The following LCN1 variants were observed in gnomAD, a reference collection of about 807,000 sequenced individuals.
LCN1 encodes lipocalin 1.
LCN1 carries 25 observed loss-of-function variants against 22.3 expected under a neutral mutation model. The ratio of observed to expected loss-of-function variants is 1.12; its 90% CI spans 0.82 to 1.56. The LOEUF (loss-of-function observed/expected upper bound fraction) is 1.56, where lower values mean the gene tolerates loss of function less well. Ranked by LOEUF, LCN1 falls within the 40% of genes most tolerant of loss-of-function variation. LCN1 has a pLI of 0.00. For synonymous variants in LCN1, 85 were observed against 97.6 expected (o/e 0.87, Z 0.76); for missense variants, 219 against 235.6 (o/e 0.93, Z 0.46).
Position 135,526,385 on chromosome 9 carries a change from C to G in LCN1, c.*43C>G, listed in dbSNP as rs544867188. On this transcript the variant is annotated 3_prime_UTR_variant, in exon 7 of 7. Transcript: ENST00000371781. ...GCTCCTCAGCAGCCCAAGGACGGCA[C>G]CATCCAGCACCTCCGTCATTCACAG... 7.4e-5 allele frequency: 95 copies of G among 1,282,666 alleles called. No homozygotes were observed. The highest frequency in any genetic ancestry group is 9.1e-5 in the Non-Finnish European group (90 of 986,266). The allele number at this position is 1,282,666 out of a possible 1,614,324, so 79.5% of individuals were successfully genotyped here.
chr9:135,522,128 A>G lies in LCN1; in HGVS notation c.172A>G (p.Thr58Ala), dbSNP rs1280466957. 2 of 1,598,158 alleles carry G rather than the reference A, an allele frequency of 1.3e-6. No homozygotes were observed. The highest frequency in any genetic ancestry group is 4.6e-5 in the East Asian group (2 of 43,908). The change falls in exon 2 of 7, where the codon ACC becomes GCC. Residue 58 changes from threonine to alanine, a missense_variant. Transcript: ENST00000371781. ...EMNLESVTPM[T>A]LTTLEGGNLE... is the part of the protein sequence containing the mutation. ...GAATCTGGAATCGGTGACACCCATG[A>G]CCCTCACGACCCTGGAAGGGGGCAA...
intron 3 of LCN1, 120 bp downstream of exon 3, chr9:135,523,422 C>A: frequency 1.3e-6 from 1 of 799,546 alleles, no homozygotes; most frequent in Non-Finnish European, 2.0e-6. Context: ...CTTCTGACTC[C>A]ACTAAAAGCC....
intron 2 of LCN1, 86 bp from the exon 3 acceptor site, chr9:135,523,146 A>C (rs2118949009): frequency 7.8e-7 from 1 of 1,279,884 alleles, no homozygotes; most frequent in Non-Finnish European, 1.1e-6. Flanking sequence ...TCGGGGCCAC[A>C]TTTGCAGGGC....
chr9:135,526,429 C>A lies in LCN1; in HGVS notation c.*87C>A. 1.6e-6 allele frequency: 2 copies of A among 1,286,728 alleles called. No homozygotes were observed. Among genetic ancestry groups the A allele is most frequent in the Non-Finnish European group, 2.0e-6 (2 of 987,568 alleles). The allele number at this position is 1,286,728 out of a possible 1,614,324, so 79.7% of individuals were successfully genotyped here. ...TTCACAGGGACATGGAAAAAGCTCC[C>A]CACCCCTGCAGAACGCGGCTGGCTG... On this transcript the variant is annotated 3_prime_UTR_variant, in exon 7 of 7. Coordinates refer to ENST00000371781, the MANE Select transcript of LCN1 (RefSeq NM_002297.4).
chr9:135,525,316 C>T (rs1227292484), intron 6 of LCN1, among the ~76,000 whole-genome samples, 158 bp downstream of exon 6: 2 of 152,128 alleles, frequency 1.3e-5, no homozygotes, highest in Admixed American at 1.3e-4. Flanking sequence ...CCTGAGCTGC[C>T]CACGCTCGGG....
intron 2 of LCN1, 67 bp downstream of exon 2, chr9:135,522,244 G>A (rs1276755278): frequency 1.9e-6 from 3 of 1,541,238 alleles, no homozygotes; most frequent in African/African-American, 1.4e-5. Context: ...CCCCACCCAG[G>A]AGAGCTCTGG....
At chr9:135,526,185 A>G (rs1831645292) in intron 6 of LCN1, among the ~76,000 whole-genome samples, 159 bp from the exon 7 acceptor site, 1 of 81,024 alleles carries the variant, frequency 1.2e-5, no homozygotes, top group South Asian at 6.1e-4. Flanking sequence ...CCTCCACATC[A>G]CAGCCCCCAA....
chr9:135,523,847 C>A, intron 3 of LCN1, 33 bp from the exon 4 acceptor site: 1 of 1,579,892 alleles, frequency 6.3e-7, no homozygotes, highest in Non-Finnish European at 8.7e-7. Flanking sequence ...TCCCTGGTGG[C>A]TAATTCAGGA....
intron 2 of LCN1, 67 bp from the exon 3 acceptor site, chr9:135,523,165 A>T: frequency 2.1e-6 from 3 of 1,454,814 alleles, no homozygotes; most frequent in Non-Finnish European, 2.8e-6. Flanking sequence ...GCATTGCAGC[A>T]TGGTTGCTCC....
At chr9:135,522,539 G>A (rs1831525906) in intron 2 of LCN1, among the ~76,000 whole-genome samples, 1 of 152,248 alleles carries the variant, frequency 6.6e-6, no homozygotes, top group Admixed American at 6.5e-5. Context: ...AGAAGTGCAG[G>A]GATGGGGCTT....
chr9:135,526,309 T>G, intron 6 of LCN1, 35 bp from the exon 7 acceptor site: 1 of 864,080 alleles, frequency 1.2e-6, no homozygotes, highest in Non-Finnish European at 1.4e-6. Flanking sequence ...CCACCCTTGC[T>G]GTCCTGGCCT....
At chr9:135,523,687 T>A (rs1018433213) in intron 3 of LCN1, among the ~76,000 whole-genome samples, 193 bp from the exon 4 acceptor site, 7 of 152,124 alleles carry the variant, frequency 4.6e-5, no homozygotes, top group African/African-American at 1.7e-4. Context: ...CTTGGGTACA[T>A]CAGGTTCCTG....
intron 6 of LCN1, among the ~76,000 whole-genome samples, chr9:135,526,022 G>A (rs1312935557): frequency 1.4e-4 from 3 of 21,578 alleles, no homozygotes; most frequent in African/African-American, 2.4e-4. Context: ...CATAGCCCCC[G>A]AGAGCCCACA....
chr9:135,525,207 T>TTCC, intron 6 of LCN1, 49 bp downstream of exon 6: 1 of 1,584,040 alleles, frequency 6.3e-7, no homozygotes. Flanking sequence ...GTTCTGGGGC[T>TTCC]CAGTGGTGCT....
At chr9:135,524,563 C>T (rs989982776) in intron 4 of LCN1, among the ~76,000 whole-genome samples, 1 of 152,178 alleles carries the variant, frequency 6.6e-6, no homozygotes, top group African/African-American at 2.4e-5. Context: ...CAGGGTGGGC[C>T]TGTCGTGCCG....
chr9:135,525,887 G>C (rs1831630935), intron 6 of LCN1, among the ~76,000 whole-genome samples: 2 of 122,380 alleles, frequency 1.6e-5, no homozygotes, highest in Non-Finnish European at 3.2e-5. Flanking sequence ...TAGCCCCCTA[G>C]AGCCCGGTGC....
At chr9:135,523,401 C>G (rs562691300) in intron 3 of LCN1, 99 bp downstream of exon 3, 32 of 1,022,600 alleles carry the variant, frequency 3.1e-5, no homozygotes, top group Middle Eastern at 2.7e-4. Flanking sequence ...GCCTGGGAAG[C>G]CTTTTGCTGC....
At chr9:135,522,249 C>T (rs945171461) in intron 2 of LCN1, 72 bp downstream of exon 2, 1 of 1,530,616 alleles carries the variant, frequency 6.5e-7, no homozygotes. Flanking sequence ...CCCAGGAGAG[C>T]TCTGGTGCTG....
At chr9:135,525,179 G>A in intron 6 of LCN1, 21 bp downstream of exon 6, 1 of 1,611,434 alleles carries the variant, frequency 6.2e-7, no homozygotes, top group Non-Finnish European at 8.5e-7. Flanking sequence ...AGCTTTAGAG[G>A]ACATTTGAGA....
Sources: allele counts gnomAD v4.1 joint callset (sites outside exome capture counted in the v4.1 genomes callset), GRCh38; gene constraint gnomAD v4.1.1; transcripts MANE v1.5; gene names NCBI Gene and HGNC (gene_info 2026-07-23, HGNC 2026-07-21).